CACNA1I: variants seen among roughly 807,000 people sequenced by gnomAD.
CACNA1I encodes calcium voltage-gated channel subunit alpha1 I, also known as voltage-dependent T-type calcium channel subunit alpha-1I.
A neutral mutation model predicts 201.6 loss-of-function variants in CACNA1I; 74 were observed. That is an observed-to-expected ratio of 0.37 (90% CI 0.30 to 0.45). CACNA1I has a LOEUF of 0.45. Among genes scored for constraint, CACNA1I ranks in the 20% least tolerant of loss-of-function variants. CACNA1I has a pLI of 1.00. For synonymous variants in CACNA1I, 1,431 were observed against 1,345.2 expected (o/e 1.06, Z -1.40); for missense variants, 2,346 against 3,138.1 (o/e 0.75, Z 6.03).
rs370985111 is a variant in CACNA1I, at chr22:39,664,719, C to T, written c.3667-20C>T. On this transcript the variant is annotated intron_variant, in intron 20 of 36. Coordinates refer to ENST00000402142, the MANE Select transcript of CACNA1I (RefSeq NM_021096.4). The stretch of plus-strand genomic sequence containing the variant: ...CGCCCCTCCCGCGGCAGCCTGACCC[C>T]GGCCCCACCCCCGCCCCAGGTAGTC... 2.6e-5 allele frequency: 36 copies of T among 1,379,596 alleles called. No individual in the cohort carries two copies. In the Middle Eastern group the frequency reaches 5.8e-4, roughly 22 times the overall value. 85.5% of individuals were successfully genotyped at this position (1,379,596 alleles called of 1,614,324 possible). A position where few individuals can be genotyped will look rare whatever the true frequency, so the allele number is the denominator to read the frequency against.
chr22:39,577,146 T>G (rs5757734), intron 1 of CACNA1I, among the ~76,000 whole-genome samples: 1 of 152,000 alleles, frequency 6.6e-6, no homozygotes, highest in Admixed American at 6.5e-5. Context: ...GAGACGTGGT[T>G]TCACCAGCCT....
intron 3 of CACNA1I, among the ~76,000 whole-genome samples, chr22:39,608,019 G>A (rs905514625): frequency 1.3e-5 from 2 of 150,766 alleles, no homozygotes; most frequent in African/African-American, 2.4e-5. Context: ...GGAGGCTGAG[G>A]CAGGAGAACT....
intron 2 of CACNA1I, among the ~76,000 whole-genome samples, chr22:39,599,184 G>A (rs1414585892): frequency 6.8e-6 from 1 of 147,464 alleles, no homozygotes; most frequent in Non-Finnish European, 1.5e-5. Flanking sequence ...TCCTGACCTC[G>A]TGATCTGCCT....
chr22:39,657,268 A>T (rs568387674), intron 10 of CACNA1I, among the ~76,000 whole-genome samples: 10 of 152,256 alleles, frequency 6.6e-5, no homozygotes, highest in Non-Finnish European at 1.5e-4. Flanking sequence ...GAGCAGAGGG[A>T]GGCTCCACAG....
chr22:39,659,300 C>A lies in CACNA1I; in HGVS notation c.2331-133C>A. 2.2e-6 allele frequency: 2 copies of A among 925,332 alleles called. No individual in the cohort carries two copies. The highest frequency in any genetic ancestry group is 3.3e-6 in the Non-Finnish European group (2 of 600,718). The allele number at this position is 925,332 out of a possible 1,614,324, so 57.3% of individuals were successfully genotyped here. On this transcript the variant is annotated intron_variant, in intron 12 of 36. Coordinates refer to ENST00000402142, the MANE Select transcript of CACNA1I (RefSeq NM_021096.4). The surrounding 1 kb of genome is among the most constrained non-coding windows in gnomAD (Gnocchi z 4.3). ...TGAACCCCTAAGCCTCAGTGTTCAT[C>A]TCTGTAAAATGGGACCAACGCTGCC...
chr22:39,579,179 C>A (rs1034792723), intron 1 of CACNA1I, among the ~76,000 whole-genome samples: 6 of 152,256 alleles, frequency 3.9e-5, no homozygotes, highest in African/African-American at 1.2e-4. Flanking sequence ...AAGCTTCAGG[C>A]ACTCTCCAGT....
chr22:39,681,082 C>A (rs770191973), intron 34 of CACNA1I, 30 bp downstream of exon 34: 1 of 1,587,398 alleles, frequency 6.3e-7, no homozygotes, highest in East Asian at 2.3e-5. Flanking sequence ...CCTGAGCAGG[C>A]GGGTCTGTCC....
chr22:39,672,160 C>A, intron 26 of CACNA1I, 39 bp from the exon 27 acceptor site: 1 of 1,339,282 alleles, frequency 7.5e-7, no homozygotes. Flanking sequence ...TGGAGCAGGT[C>A]ATGTGCCCTG....
chr22:39,686,066 C>T lies in CACNA1I; in HGVS notation c.6333C>T (p.Arg2111=). 4 of 1,228,250 alleles carry T rather than the reference C, an allele frequency of 3.3e-6. No homozygotes were observed. Among genetic ancestry groups the T allele is most frequent in the Non-Finnish European group, 4.0e-6 (4 of 988,048 alleles). The allele number at this position is 1,228,250 out of a possible 1,614,324, so 76.1% of individuals were successfully genotyped here. ...DSMDPSDEEG[R]GGAGGGGAGS... ...TGGACCCCTCGGACGAGGAGGGCCG[C>T]GGTGGCGCGGGCGGCGGGGGCGCGG... Residue 2111 remains arginine (R), a synonymous_variant, in exon 37 of 37, where the codon CGC becomes CGT. Transcript: ENST00000402142.
intron 5 of CACNA1I, among the ~76,000 whole-genome samples, chr22:39,639,979 G>A (rs1158320865): frequency 6.6e-6 from 1 of 152,196 alleles, no homozygotes. Context: ...ATCTGGGCAG[G>A]CTCCACGGCC....
chr22:39,641,191 A>G lies in CACNA1I; in HGVS notation c.1056+9A>G, dbSNP rs759438177. On this transcript the variant is annotated intron_variant, in intron 6 of 36. Transcript: ENST00000402142. ...GGATTGTCATCTTCCAGGTGAGGCCATTCAGGCCTGGGGCCAGCCTGGTCC... is the reference window on the plus strand; with the variant it reads ...GGATTGTCATCTTCCAGGTGAGGCCGTTCAGGCCTGGGGCCAGCCTGGTCC... The G allele has an allele frequency of 1.1e-5, 17 of 1,608,362 alleles. No individual in the cohort carries two copies. In the African/African-American group the frequency reaches 1.1e-4, roughly 10 times the overall value.
In CACNA1I at chr22:39,654,022, C is replaced by G. The variant is rs571538364; in HGVS notation, c.1992+4097C>G. On this transcript the variant is annotated intron_variant, in intron 10 of 36. Coordinates refer to ENST00000402142, the MANE Select transcript of CACNA1I (RefSeq NM_021096.4). The stretch of plus-strand genomic sequence containing the variant: ...GGGTGGCCAGGCTTCTCCAGGGAGG[C>G]CTGATTCCTTCATCATCACCGCCAT... Among the ~76,000 whole-genome samples the G allele has an allele frequency of 2.1e-4, 32 of 152,280 alleles. 2 individuals carry two copies. The South Asian group carries it at 4.6e-3, about 22-fold the overall frequency.
chr22:39,585,988 G>A (rs1932739927), intron 1 of CACNA1I, among the ~76,000 whole-genome samples: 1 of 151,804 alleles, frequency 6.6e-6, no homozygotes, highest in African/African-American at 2.4e-5. Flanking sequence ...GACTCTCCTG[G>A]CCAACATGGT....
At chr22:39,591,427 G>T (rs1301702203) in intron 1 of CACNA1I, among the ~76,000 whole-genome samples, 1 of 152,084 alleles carries the variant, frequency 6.6e-6, no homozygotes, top group Non-Finnish European at 1.5e-5. Flanking sequence ...CTCCCAAAGT[G>T]CTGGGATTAC....
rs551559738 is a variant in CACNA1I at position 39,648,378 on chromosome 22, T to C, written c.1567+452T>C. On this transcript the variant is annotated intron_variant, in intron 9 of 36. Transcript: ENST00000402142. This position sits in a 1 kb window ranked among gnomAD's most constrained non-coding sequence, Gnocchi z 5.4. ...GGAGAAGTGTTCACTCCAACGGGCTTCCTGCGGCCGCCCAGCCCCCTCTCC... is the reference window on the plus strand; with the variant it reads ...GGAGAAGTGTTCACTCCAACGGGCTCCCTGCGGCCGCCCAGCCCCCTCTCC... Among the ~76,000 whole-genome samples, 1 of 152,268 alleles carries C rather than the reference T, an allele frequency of 6.6e-6. No homozygotes were observed. The highest frequency in any genetic ancestry group is 2.1e-4 in the South Asian group (1 of 4,832).
intron 24 of CACNA1I, 114 bp from the exon 25 acceptor site, chr22:39,669,924 C>T: frequency 1.7e-6 from 2 of 1,192,898 alleles, no homozygotes; most frequent in South Asian, 2.6e-5. Flanking sequence ...AGCCACCTTC[C>T]TGGAGGCAGG....
chr22:39,687,764 T>C lies in CACNA1I; in HGVS notation c.*1359T>C, dbSNP rs1238495505. 2 of 152,184 alleles carry C rather than the reference T, an allele frequency of 1.3e-5. No individual in the cohort carries two copies. The highest frequency in any genetic ancestry group is 4.8e-5 in the African/African-American group (2 of 41,438). 9.4% of individuals were successfully genotyped at this position (152,184 alleles called of 1,614,324 possible). A position where few individuals can be genotyped will look rare whatever the true frequency, so the allele number is the denominator to read the frequency against. On this transcript the variant is annotated 3_prime_UTR_variant, in exon 37 of 37. Coordinates refer to ENST00000402142, the MANE Select transcript of CACNA1I (RefSeq NM_021096.4). ...GAAGAGTTACGCATTTATTTCACTA[T>C]TTATTGGGAAAAAAATGCATTGAAC...
intron 1 of CACNA1I, among the ~76,000 whole-genome samples, chr22:39,576,813 C>T (rs1171165432): frequency 1.3e-5 from 2 of 152,158 alleles, no homozygotes; most frequent in South Asian, 2.1e-4. Flanking sequence ...TGGGTGGGCC[C>T]CCGCCTCTGT....
intron 5 of CACNA1I, among the ~76,000 whole-genome samples, chr22:39,635,319 G>C (rs1030269106): frequency 6.6e-6 from 1 of 152,052 alleles, no homozygotes; most frequent in Non-Finnish European, 1.5e-5. Flanking sequence ...GCCTGTGCTC[G>C]GGGCTCAGGA....
Sources: allele counts gnomAD v4.1 joint callset (sites outside exome capture counted in the v4.1 genomes callset), GRCh38; gene constraint gnomAD v4.1.1; non-coding constraint Gnocchi (gnomAD v3.1); transcripts MANE v1.5; gene names NCBI Gene and HGNC (gene_info 2026-07-23, HGNC 2026-07-21).